PDE7A: variants seen among roughly 807,000 people sequenced by gnomAD.
PDE7A encodes the protein high affinity 3',5'-cyclic-AMP phosphodiesterase 7A.
In PDE7A, 39 loss-of-function variants were observed where a neutral mutation model predicts 64.3. The observed-to-expected ratio is 0.61, with a 90% CI of 0.47 to 0.79. PDE7A has a LOEUF of 0.79. PDE7A is among the 30% of genes least tolerant of loss of function. The pLI is 0.00. For missense variants in PDE7A, 470 were observed against 582.8 expected (o/e 0.81, Z 1.99); for synonymous variants, 203 against 206.8 (o/e 0.98, Z 0.16).
Position 65,716,414 on chromosome 8 carries a change from T to C in PDE7A, c.*2876A>G, listed in dbSNP as rs1036228746. On this transcript the variant is annotated 3_prime_UTR_variant, in exon 13 of 13. Coordinates refer to ENST00000401827, the MANE Select transcript of PDE7A (RefSeq NM_001242318.3). Reference sequence around the variant, plus strand: ...GGCTTGAGGTAATGACGTTATTTAATGCATGTGCCAATCAGAAGCTGATGT... The same window carrying C: ...GGCTTGAGGTAATGACGTTATTTAACGCATGTGCCAATCAGAAGCTGATGT... Among the ~76,000 whole-genome samples the C allele has an allele frequency of 5.3e-5, 8 of 152,184 alleles. No individual in the cohort carries two copies. Among genetic ancestry groups the C allele is most frequent in the Admixed American group, 3.9e-4 (6 of 15,288 alleles).
chr8:65,759,474 C>A (rs1370142297), intron 3 of PDE7A, among the ~76,000 whole-genome samples: 1 of 152,220 alleles, frequency 6.6e-6, no homozygotes, highest in African/African-American at 2.4e-5. Flanking sequence ...CCACAGGCCA[C>A]AGGGCTGAGG....
Position 65,727,246 on chromosome 8 carries a change from G to C in PDE7A, c.752C>G (p.Thr251Ser). Reference protein sequence around the residue: ...DILLSLIAAATHDLDHPGVNQ... With the variant: ...DILLSLIAAASHDLDHPGVNQ... ...AACACCTGGATGATCCAGATCATGA[G>C]TGGCAGCTGCAATTAAGCTCAGCAA... Residue 251 changes from threonine (T) to serine (S), a missense_variant, in exon 8 of 13, where the codon ACT (threonine) becomes AGT (serine). Physicochemically the swap from Thr to Ser is moderately conservative, Grantham distance 58 (BLOSUM62 1). Transcript: ENST00000401827. The C allele has an allele frequency of 6.2e-7, 1 of 1,613,838 alleles. No individual in the cohort carries two copies. The highest frequency in any genetic ancestry group is 8.5e-7 in the Non-Finnish European group (1 of 1,179,786).
chr8:65,795,928 A>C (rs966962792), intron 1 of PDE7A, among the ~76,000 whole-genome samples: 5 of 151,912 alleles, frequency 3.3e-5, no homozygotes, highest in Admixed American at 6.6e-5. Flanking sequence ...CAAAGATTTA[A>C]AGGAAAACAT....
chr8:65,740,621 C>T (rs1266032819), intron 5 of PDE7A, among the ~76,000 whole-genome samples: 1 of 152,098 alleles, frequency 6.6e-6, no homozygotes, highest in African/African-American at 2.4e-5. Context: ...AGGCTGGTCT[C>T]GAACTCCTGA....
intron 1 of PDE7A, among the ~76,000 whole-genome samples, chr8:65,801,906 G>A (rs1809996261): frequency 1.3e-5 from 2 of 152,186 alleles, no homozygotes; most frequent in East Asian, 1.9e-4. Flanking sequence ...AATAAAGTAA[G>A]AGGACATGAA....
chr8:65,768,472 G>A (rs767854298), intron 3 of PDE7A, among the ~76,000 whole-genome samples: 1 of 152,182 alleles, frequency 6.6e-6, no homozygotes, highest in Non-Finnish European at 1.5e-5. Flanking sequence ...CTCTTGCCTT[G>A]TCTGCTGCCA....
chr8:65,833,830 G>A (rs1417677730), intron 1 of PDE7A, among the ~76,000 whole-genome samples: 1 of 152,038 alleles, frequency 6.6e-6, no homozygotes, highest in African/African-American at 2.4e-5. Flanking sequence ...CAGGCATGGT[G>A]GGGCATGCCT....
intron 3 of PDE7A, among the ~76,000 whole-genome samples, chr8:65,774,788 C>A (rs1444891799): frequency 1.3e-5 from 2 of 151,454 alleles, no homozygotes; most frequent in African/African-American, 2.4e-5. Context: ...CTATATTTTC[C>A]AAAACAAAGA....
At chr8:65,749,844 GT>G (rs1807853557) in intron 3 of PDE7A, among the ~76,000 whole-genome samples, 1 of 152,154 alleles carries the variant, frequency 6.6e-6, no homozygotes, top group South Asian at 2.1e-4. Context: ...TTTATTTACT[GT>G]CCATTACAAA....
At chr8:65,813,813 G>C (rs1810313357) in intron 1 of PDE7A, among the ~76,000 whole-genome samples, 1 of 152,112 alleles carries the variant, frequency 6.6e-6, no homozygotes, top group African/African-American at 2.4e-5. Context: ...TTAATCGTCT[G>C]GTAGTCAAAT....
At chr8:65,816,494 T>C (rs1029976652) in intron 1 of PDE7A, among the ~76,000 whole-genome samples, 1 of 152,228 alleles carries the variant, frequency 6.6e-6, no homozygotes, top group Non-Finnish European at 1.5e-5. Flanking sequence ...TCATTTCCTA[T>C]CAACCTAAAG....
chr8:65,759,710 A>T (rs1808403087), intron 3 of PDE7A, among the ~76,000 whole-genome samples: 1 of 152,050 alleles, frequency 6.6e-6, no homozygotes, highest in South Asian at 2.1e-4. Context: ...CTTTCTTTTA[A>T]AGGGGGTTTT....
At chr8:65,752,171 C>A (rs1808000353) in intron 3 of PDE7A, among the ~76,000 whole-genome samples, 1 of 152,208 alleles carries the variant, frequency 6.6e-6, no homozygotes, top group South Asian at 2.1e-4. Flanking sequence ...TTTCCCCTTT[C>A]CTCTTCCAGT....
intron 3 of PDE7A, among the ~76,000 whole-genome samples, chr8:65,773,526 T>C (rs776694936): frequency 9.2e-5 from 14 of 152,244 alleles, no homozygotes; most frequent in Non-Finnish European, 1.6e-4. Flanking sequence ...TAAGTATAGA[T>C]ACCAAAACCT....
chr8:65,743,538 C>G (rs1300783320), intron 5 of PDE7A, among the ~76,000 whole-genome samples: 1 of 152,220 alleles, frequency 6.6e-6, no homozygotes, highest in Non-Finnish European at 1.5e-5. Flanking sequence ...AGTTTATTTT[C>G]TGTCAACACT....
At chr8:65,750,526 GAGAC>G (rs1807897300) in intron 3 of PDE7A, among the ~76,000 whole-genome samples, 1 of 151,188 alleles carries the variant, frequency 6.6e-6, no homozygotes, top group African/African-American at 2.4e-5. Flanking sequence ...GTGTGTGTGT[GAGAC>G]AGAGAGAGAA....
intron 1 of PDE7A, among the ~76,000 whole-genome samples, chr8:65,820,230 T>C (rs1191518295): frequency 6.6e-6 from 1 of 152,180 alleles, no homozygotes; most frequent in Non-Finnish European, 1.5e-5. Flanking sequence ...ATCCTGTCTC[T>C]ACTAAAAATA....
intron 6 of PDE7A, 109 bp from the exon 7 acceptor site, chr8:65,735,003 G>A: frequency 1.4e-6 from 1 of 715,622 alleles, no homozygotes. Flanking sequence ...GTAGCTATCG[G>A]CTAAAATCGT....
At chr8:65,723,079 T>TG (rs1346399011) in intron 12 of PDE7A, 1 of 152,976 alleles carries the variant, frequency 6.5e-6, no homozygotes, top group Non-Finnish European at 1.5e-5. Context: ...TCTAGGATGT[T>TG]GAAGAGTTAG....
Sources: gnomAD v4.1 joint callset for allele counts (sites outside exome capture counted in the v4.1 genomes callset) on GRCh38, gnomAD v4.1.1 for gene constraint, MANE v1.5 for transcripts, NCBI Gene and HGNC (gene_info 2026-07-23, HGNC 2026-07-21) for gene names.